ETNK2: variants seen among roughly 807,000 people sequenced by gnomAD.
ETNK2 encodes ethanolamine kinase-like protein.
Under a neutral mutation model 46.2 loss-of-function variants are expected in ETNK2, and 33 were observed. That is an observed-to-expected ratio of 0.71 (90% CI 0.54 to 0.96). The LOEUF (loss-of-function observed/expected upper bound fraction) is 0.96. Ranked by LOEUF, ETNK2 falls within the 40% of genes least tolerant of loss-of-function variation. The probability of loss-of-function intolerance (pLI) is 0.00; values close to 1 mark genes in which losing one functional copy is unlikely to be tolerated. For synonymous variants in ETNK2, 194 were observed against 209.0 expected (o/e 0.93, Z 0.62); for missense variants, 445 against 509.7 (o/e 0.87, Z 1.22).
At position 204,149,748 on chromosome 1, in the gene ETNK2, C is replaced by A; in HGVS notation, c.473G>T (p.Gly158Val). The A allele has an allele frequency of 6.2e-7, 1 of 1,603,008 alleles. No individual in the cohort carries two copies. Among genetic ancestry groups the A allele is most frequent in the Non-Finnish European group, 8.5e-7 (1 of 1,175,244 alleles). The change falls in exon 2 of 8, where the codon GGT becomes GTT. Residue 158 changes from glycine (G) to valine (V), a missense_variant. Transcript: ENST00000367202. ...GATGTGCTCAGGCTCCAGGGCCACACCCTGCATGTACTCATAGCACAGCCC... is the reference window on the plus strand; with the variant it reads ...GATGTGCTCAGGCTCCAGGGCCACAACCTGCATGTACTCATAGCACAGCCC... The part of the protein sequence containing the change: ...QNGLCYEYMQ[G>V]VALEPEHIRE...
In ETNK2 at chr1:204,131,154, G is replaced by A. The variant is rs1657053489; in HGVS notation, c.*1030C>T. On this transcript the variant is annotated 3_prime_UTR_variant, in exon 8 of 8. Coordinates refer to ENST00000367202, the MANE Select transcript of ETNK2 (RefSeq NM_018208.4). This position sits in a 1 kb window ranked among gnomAD's most constrained non-coding sequence, Gnocchi z 4.3. Reference sequence around the variant, plus strand: ...CAGAGCCAGGAAGGCCCCAGGAGCTGTGAGGGTAGAAAGGGAGGTGGAGGC... The same window carrying A: ...CAGAGCCAGGAAGGCCCCAGGAGCTATGAGGGTAGAAAGGGAGGTGGAGGC... The A allele has an allele frequency of 6.5e-6, 1 of 152,744 alleles. No individual in the cohort carries two copies. The highest frequency in any genetic ancestry group is 6.5e-5 in the Admixed American group (1 of 15,298). 9.5% of individuals were successfully genotyped at this position (152,744 alleles called of 1,614,324 possible).
In ETNK2 at chr1:204,141,427, C is replaced by T. The variant is rs748630621; in HGVS notation, c.672G>A (p.Val224=). The change falls in exon 4 of 8, where the codon GTG becomes GTA. Residue 224 remains valine, a synonymous_variant. Coordinates refer to ENST00000367202, the MANE Select transcript of ETNK2 (RefSeq NM_018208.4). ...TCAGCCAGGCCAGCTCCCGTTCCAA[C>T]ACCTCTACCTTAGGGACATCTGCAG... ...SLSADVPKVE[V]LERELAWLKE... is the part of the protein sequence containing the mutation. The T allele has an allele frequency of 1.2e-6, 2 of 1,607,280 alleles. No individual in the cohort carries two copies. Among genetic ancestry groups the T allele is most frequent in the African/African-American group, 1.3e-5 (1 of 74,928 alleles).
chr1:204,152,034 GCCGCGATTGTGA>G, exon 1 of ETNK2: 1 of 540,734 alleles, frequency 1.8e-6, no homozygotes, highest in Non-Finnish European at 2.8e-6. This position sits in a 1 kb window ranked among gnomAD's most constrained non-coding sequence, Gnocchi z 4.2. Flanking sequence ...GCCGCGGCCC[GCCGCGATTGTGA>G]CATCACGGGC....
At chr1:204,149,631 C>A (rs1425644353) in intron 2 of ETNK2, 72 bp downstream of exon 2, 4 of 1,492,308 alleles carry the variant, frequency 2.7e-6, no homozygotes, top group Non-Finnish European at 3.6e-6. Context: ...CACCATGGAC[C>A]CCACATGCCA....
Position 204,140,998 on chromosome 1 carries a change from A to AT in ETNK2, c.784+316dup, listed in dbSNP as rs570706376. ...CACCATACCAGGAAAAGTTTTGTGT[A>AT]TTTTTTTTGTAGAGACAGGGTCTCA... is the stretch of plus-strand genomic sequence containing the variant. On this transcript the variant is annotated intron_variant, in intron 4 of 7. Transcript: ENST00000367202. 1.2e-3 allele frequency: 469 copies of AT among 389,256 alleles called. 2 individuals carry two copies. The highest frequency in any genetic ancestry group is 8.3e-3 in the African/African-American group (395 of 47,722). 24.1% of individuals were successfully genotyped at this position (389,256 alleles called of 1,614,324 possible).
rs1657684635 is a variant in ETNK2 at position 204,144,315 on chromosome 1, C to T, written c.641+2327G>A. Among the ~76,000 whole-genome samples the T allele has an allele frequency of 4.8e-5, 6 of 125,314 alleles. No homozygotes were observed. In the South Asian group the frequency reaches 1.6e-3, roughly 33 times the overall value. 82.2% of individuals were successfully genotyped at this position (125,314 alleles called of 152,430 possible). ...GAGCTGAGATCATGCCACTGGACTC[C>T]AGCCTGGGCAACAGAGTGAGAATCC... On this transcript the variant is annotated intron_variant, in intron 3 of 7. Transcript: ENST00000367202.
Position 204,131,703 on chromosome 1 carries a change from G to GTACCTA in ETNK2, c.*480_*481insTAGGTA, listed in dbSNP as rs1320656907. On this transcript the variant is annotated 3_prime_UTR_variant, in exon 8 of 8. Coordinates refer to ENST00000367202, the MANE Select transcript of ETNK2 (RefSeq NM_018208.4). This position sits in a 1 kb window ranked among gnomAD's most constrained non-coding sequence, Gnocchi z 4.3. ...ATCACCAAGATAGGTACATCCATGT[G>GTACCTA]TCAGAGTTGGTGTGATGCTGGTTTG... The GTACCTA allele has an allele frequency of 7.1e-5, 12 of 169,362 alleles. No individual in the cohort carries two copies. The highest frequency in any genetic ancestry group is 2.6e-4 in the African/African-American group (11 of 42,178). 10.5% of individuals were successfully genotyped at this position (169,362 alleles called of 1,614,324 possible). A position where few individuals can be genotyped will look rare whatever the true frequency, so the allele number is the denominator to read the frequency against.
intron 5 of ETNK2, among the ~76,000 whole-genome samples, chr1:204,137,827 T>C (rs544827516): frequency 6.6e-6 from 1 of 152,288 alleles, no homozygotes; most frequent in African/African-American, 2.4e-5. Context: ...ATGGCTCTGA[T>C]GTGTAGCCAG....
chr1:204,141,324 T>A lies in ETNK2; in HGVS notation c.775A>T (p.Ser259Cys). The A allele has an allele frequency of 6.2e-7, 1 of 1,614,054 alleles. No individual in the cohort carries two copies. The highest frequency in any genetic ancestry group is 8.5e-7 in the Non-Finnish European group (1 of 1,179,898). ...DLLCKNIIYD[S>C]IKGHVRFIDY... is the part of the protein sequence containing the mutation. ...GCCAGAGAAGCCATACCTTTGATGC[T>A]GTCATAGATGATATTCTTGCAGAGC... Residue 259 changes from serine to cysteine, a missense_variant, in exon 4 of 8, where the codon AGC (serine) becomes TGC (cysteine). Ser to Cys is a moderately radical substitution (Grantham distance 112, BLOSUM62 -1). Coordinates refer to ENST00000367202, the MANE Select transcript of ETNK2 (RefSeq NM_018208.4).
chr1:204,139,564 T>C (rs1208273966), intron 5 of ETNK2, among the ~76,000 whole-genome samples: 1 of 152,224 alleles, frequency 6.6e-6, no homozygotes, highest in African/African-American at 2.4e-5. Context: ...AAGAGCTATC[T>C]AGCCTCTACC....
intron 2 of ETNK2, among the ~76,000 whole-genome samples, chr1:204,148,366 G>A (rs1034315043): frequency 1.3e-5 from 2 of 152,136 alleles, no homozygotes; most frequent in African/African-American, 4.8e-5. Flanking sequence ...GAGGGATCCT[G>A]GGAGTGGTGA....
Position 204,135,118 on chromosome 1 carries a change from C to T in ETNK2, c.1015-530G>A, listed in dbSNP as rs552541615. ...ATCCCTACACTAACCTCCTCCACTC[C>T]TTTTCCTCTCTCCTGGGAGGCTGGT... is the stretch of plus-strand genomic sequence containing the variant. On this transcript the variant is annotated intron_variant, in intron 6 of 7. Coordinates refer to ENST00000367202, the MANE Select transcript of ETNK2 (RefSeq NM_018208.4). Among the ~76,000 whole-genome samples the T allele has an allele frequency of 1.2e-4, 19 of 152,320 alleles. No individual in the cohort carries two copies. The South Asian group carries it at 2.3e-3, about 18-fold the overall frequency.
intron 5 of ETNK2, among the ~76,000 whole-genome samples, chr1:204,139,106 C>T (rs1657399083): frequency 6.6e-6 from 1 of 152,044 alleles, no homozygotes; most frequent in African/African-American, 2.4e-5. Flanking sequence ...AATAAACTGC[C>T]CAAGGGTCAC....
intron 5 of ETNK2, among the ~76,000 whole-genome samples, chr1:204,137,795 C>T (rs1339232763): frequency 3.9e-5 from 6 of 152,140 alleles, no homozygotes; most frequent in African/African-American, 1.4e-4. Context: ...GAGAGCACCC[C>T]CACCCCAGTC....
intron 2 of ETNK2, among the ~76,000 whole-genome samples, chr1:204,149,150 C>T (rs971003820): frequency 3.3e-5 from 5 of 152,200 alleles, no homozygotes; most frequent in Non-Finnish European, 5.9e-5. Flanking sequence ...CCAGGAGCCA[C>T]AGGTTCTTGT....
chr1:204,147,190 G>A (rs1657822990), intron 2 of ETNK2, among the ~76,000 whole-genome samples: 2 of 152,204 alleles, frequency 1.3e-5, no homozygotes, highest in African/African-American at 4.8e-5. Flanking sequence ...AGTTCACTTT[G>A]CACCAAGAGA....
At chr1:204,134,049 T>G (rs1279993839) in intron 7 of ETNK2, among the ~76,000 whole-genome samples, 1 of 151,798 alleles carries the variant, frequency 6.6e-6, no homozygotes, top group East Asian at 1.9e-4. Context: ...ACTGAAGGAG[T>G]AGCTGGGGCT....
intron 3 of ETNK2, among the ~76,000 whole-genome samples, chr1:204,143,784 C>T (rs1423688651): frequency 2.0e-5 from 3 of 152,172 alleles, no homozygotes; most frequent in Non-Finnish European, 2.9e-5. Context: ...TTACTGGTTT[C>T]ACACTTTGCC....
At chr1:204,136,769 A>T (rs1286635441) in intron 6 of ETNK2, among the ~76,000 whole-genome samples, 1 of 151,996 alleles carries the variant, frequency 6.6e-6, no homozygotes, top group African/African-American at 2.4e-5. Context: ...TAACTGCAGC[A>T]TGAAGGGCTG....
Sources: allele counts gnomAD v4.1 joint callset (sites outside exome capture counted in the v4.1 genomes callset), GRCh38; gene constraint gnomAD v4.1.1; non-coding constraint Gnocchi (gnomAD v3.1); transcripts MANE v1.5; gene names NCBI Gene and HGNC (gene_info 2026-07-23, HGNC 2026-07-21).